LRRC3B: variants seen among roughly 807,000 people sequenced by gnomAD.
LRRC3B encodes the protein leucine-rich repeat-containing protein 3B.
LRRC3B carries 2 observed loss-of-function variants against 12.8 expected under a neutral mutation model. That is an observed-to-expected ratio of 0.16 (90% CI 0.06 to 0.49). LRRC3B has a LOEUF of 0.49. LRRC3B is among the 20% of genes least tolerant of loss of function. LRRC3B has a pLI of 0.96. For synonymous variants in LRRC3B, 132 were observed against 122.0 expected (o/e 1.08, Z -0.54); for missense variants, 189 against 319.4 (o/e 0.59, Z 3.11).
At chr3:26,645,694 G>A (rs139156520) in intron 1 of LRRC3B, among the ~76,000 whole-genome samples, 78 of 152,152 alleles carry the variant, frequency 5.1e-4, no homozygotes, top group Non-Finnish European at 8.5e-4. Context: ...ACTTTCTGGA[G>A]TGTGAGGGAT....
chr3:26,643,248 ATGTGTGAG>A (rs1379649435), intron 1 of LRRC3B, among the ~76,000 whole-genome samples: 26 of 123,118 alleles, frequency 2.1e-4, no homozygotes, highest in African/African-American at 6.9e-4. Context: ...ATACACACAT[ATGTGTGAG>A]TGTGTGTGTG....
At chr3:26,703,920 C>T (rs112020432) in intron 1 of LRRC3B, among the ~76,000 whole-genome samples, 45 of 151,936 alleles carry the variant, frequency 3.0e-4, no homozygotes, top group African/African-American at 1.1e-3. Flanking sequence ...TTTGGCTAAT[C>T]TTAGTCCTTT....
At chr3:26,627,670 G>C (rs1030912003) in intron 1 of LRRC3B, among the ~76,000 whole-genome samples, 10 of 152,018 alleles carry the variant, frequency 6.6e-5, no homozygotes, top group Non-Finnish European at 1.5e-4. Context: ...TTTTGTGTCA[G>C]GTTGACTGTT....
At chr3:26,668,392 A>G (rs1699652831) in intron 1 of LRRC3B, among the ~76,000 whole-genome samples, 1 of 152,140 alleles carries the variant, frequency 6.6e-6, no homozygotes, top group Non-Finnish European at 1.5e-5. Flanking sequence ...CAATGGGACA[A>G]TGGGGGATCC....
At chr3:26,664,728 AGTTTAG>A (rs913180469) in intron 1 of LRRC3B, among the ~76,000 whole-genome samples, 18 of 152,034 alleles carry the variant, frequency 1.2e-4, no homozygotes, top group African/African-American at 3.9e-4. Flanking sequence ...TCTAGGAGAC[AGTTTAG>A]GTCTCGCCTC....
At chr3:26,707,635 T>C (rs1051661213) in intron 1 of LRRC3B, among the ~76,000 whole-genome samples, 5 of 152,228 alleles carry the variant, frequency 3.3e-5, no homozygotes, top group African/African-American at 9.6e-5. Context: ...TGGAAATCAC[T>C]TGGCTGATGT....
rs147245955 is a variant in LRRC3B at position 26,701,638 on chromosome 3, C to T, written c.-160-7875C>T. ...AAACTCTGGGAGTGTAGGCTCACCCCAACATCGAAACATCACCCAACTCCA... is the reference window on the plus strand; with the variant it reads ...AAACTCTGGGAGTGTAGGCTCACCCTAACATCGAAACATCACCCAACTCCA... On this transcript the variant is annotated intron_variant, in intron 1 of 1. Transcript: ENST00000396641. Among the ~76,000 whole-genome samples the T allele has an allele frequency of 3.8e-3, 577 of 152,026 alleles. 4 individuals are homozygous for T. The highest frequency in any genetic ancestry group is 6.1e-3 in the Non-Finnish European group (414 of 67,960).
chr3:26,683,276 A>G (rs1039437487), intron 1 of LRRC3B, among the ~76,000 whole-genome samples: 1 of 152,212 alleles, frequency 6.6e-6, no homozygotes, highest in African/African-American at 2.4e-5. Context: ...AAACTACATT[A>G]TAGGACCACT....
intron 1 of LRRC3B, among the ~76,000 whole-genome samples, chr3:26,639,381 ATTTAGAGTTGATAAAATT>A (rs1297354301): frequency 2.0e-5 from 3 of 152,112 alleles, no homozygotes; most frequent in African/African-American, 7.2e-5. Context: ...CTTGACCTAT[ATTTAGAGTTGATAAAATT>A]TACAGTTGAA....
exon 2 of LRRC3B, chr3:26,710,464 A>T (rs370036448): frequency 2.6e-6 from 4 of 1,546,694 alleles, no homozygotes; most frequent in Admixed American, 2.0e-5. Flanking sequence ...GTCCAAACTG[A>T]CTGTCATTGA....
chr3:26,639,204 ATAGT>A (rs979045088), intron 1 of LRRC3B, among the ~76,000 whole-genome samples: 1 of 152,228 alleles, frequency 6.6e-6, no homozygotes, highest in African/African-American at 2.4e-5. Context: ...AGAAAAAGGT[ATAGT>A]TAATTTCAGT....
At chr3:26,633,606 A>G (rs1376588148) in intron 1 of LRRC3B, among the ~76,000 whole-genome samples, 1 of 152,194 alleles carries the variant, frequency 6.6e-6, no homozygotes, top group Non-Finnish European at 1.5e-5. Context: ...TCAATTTTTC[A>G]TGGAACCAGG....
At chr3:26,657,805 A>G (rs6551129) in intron 1 of LRRC3B, among the ~76,000 whole-genome samples, 35,050 of 152,018 alleles carry the variant, frequency 0.23, 4,554 homozygotes, top group African/African-American at 0.34. Flanking sequence ...TCACCCAACT[A>G]TGAATCGACG....
chr3:26,631,840 C>A (rs1282180156), intron 1 of LRRC3B, among the ~76,000 whole-genome samples: 1 of 151,214 alleles, frequency 6.6e-6, no homozygotes, highest in Middle Eastern at 3.2e-3. Context: ...CTCTACTTCC[C>A]CCGTAAGAGG....
chr3:26,635,056 T>G (rs1349858265), intron 1 of LRRC3B, among the ~76,000 whole-genome samples: 1 of 152,174 alleles, frequency 6.6e-6, no homozygotes, highest in Non-Finnish European at 1.5e-5. Context: ...AGAAGCACAT[T>G]CATTATGAGT....
chr3:26,645,593 A>C (rs1198869360), intron 1 of LRRC3B, among the ~76,000 whole-genome samples: 2 of 152,162 alleles, frequency 1.3e-5, no homozygotes, highest in East Asian at 3.9e-4. Flanking sequence ...ATTTTCATTC[A>C]ATAAATATTT....
chr3:26,674,186 C>G (rs1243208488), intron 1 of LRRC3B, among the ~76,000 whole-genome samples: 1 of 152,168 alleles, frequency 6.6e-6, no homozygotes, highest in Admixed American at 6.5e-5. Context: ...TTCATCACCT[C>G]CAAAAGTTAA....
Position 26,646,620 on chromosome 3 carries a change from A to C in LRRC3B, c.-161+23383A>C, listed in dbSNP as rs868363806. On this transcript the variant is annotated intron_variant, in intron 1 of 1. Coordinates refer to ENST00000396641, the Ensembl canonical transcript of LRRC3B. ...AGGTAAAAAAAAAAAAAAAAAAAAAAAAAAAAAAAAAAAAAACGGATTTTA... is the reference window on the plus strand; with the variant it reads ...AGGTAAAAAAAAAAAAAAAAAAAAACAAAAAAAAAAAAAAAACGGATTTTA... Among the ~76,000 whole-genome samples, 879 of 96,134 alleles carry C rather than the reference A, an allele frequency of 9.1e-3. 17 individuals are homozygous for C. The highest frequency in any genetic ancestry group is 0.057 in the Middle Eastern group (9 of 158). The allele number at this position is 96,134 out of a possible 152,430, so 63.1% of individuals were successfully genotyped here.
At chr3:26,689,196 G>T (rs982840155) in intron 1 of LRRC3B, among the ~76,000 whole-genome samples, 2 of 152,190 alleles carry the variant, frequency 1.3e-5, no homozygotes, top group Non-Finnish European at 2.9e-5. Context: ...AGACAAAGTA[G>T]AGGAAAAGAG....
Sources: gnomAD v4.1 joint callset for allele counts (sites outside exome capture counted in the v4.1 genomes callset) on GRCh38, gnomAD v4.1.1 for gene constraint, MANE v1.5 for transcripts, NCBI Gene and HGNC (gene_info 2026-07-23, HGNC 2026-07-21) for gene names.